Variants in TRIM8 observed in about 807,000 individuals in gnomAD.
TRIM8 encodes tripartite motif containing 8.
A neutral mutation model predicts 55.7 loss-of-function variants in TRIM8; 9 were observed. The ratio of observed to expected loss-of-function variants is 0.16; its 90% CI spans 0.10 to 0.28. The LOEUF is 0.28. TRIM8 is among the 10% of genes least tolerant of loss of function. The pLI is 1.00. For synonymous variants in TRIM8, 335 were observed against 333.3 expected (o/e 1.01, Z -0.06); for missense variants, 556 against 736.4 (o/e 0.76, Z 2.83).
rs921786809 is a variant in TRIM8 at position 102,656,899 on chromosome 10, G to A, written c.1201G>A (p.Gly401Arg). 3.1e-6 allele frequency: 5 copies of A among 1,594,364 alleles called. No individual in the cohort carries two copies. The African/African-American group carries it at 5.4e-5, about 17-fold the overall frequency. Residue 401 changes from glycine to arginine, a missense_variant, in exon 6 of 6, where the codon GGG becomes AGG. Transcript: ENST00000643721. The surrounding 1 kb of genome is among the most constrained non-coding windows in gnomAD (Gnocchi z 4.6). ...GTCGGGCCCTGTGGGCGGCCAGTAC[G>A]GGGCGGCGGGCACAGCCAGCGGTGA... ...TSSGPVGGQY[G>R]AAGTASGEGQ... is the part of the protein sequence containing the mutation.
In TRIM8 at chr10:102,655,744, A is replaced by G. The variant is rs3862032; in HGVS notation, c.901-362A>G. The stretch of plus-strand genomic sequence containing the variant: ...GTCTTGCTGGGGATGATAATGTAAT[A>G]TATGATACAGGCACTGTATTCTCCG... On this transcript the variant is annotated intron_variant, in intron 3 of 5. Coordinates refer to ENST00000643721, the MANE Select transcript of TRIM8 (RefSeq NM_030912.3). 3.6e-3 allele frequency among the ~76,000 whole-genome samples: 542 copies of G among 152,374 alleles called. 15 individuals carry two copies. Among genetic ancestry groups the G allele is most frequent in the Admixed American group, 0.026 (394 of 15,304 alleles).
chr10:102,657,381 G>T lies in TRIM8; in HGVS notation c.*27G>T, dbSNP rs372264167. 2.6e-6 allele frequency: 4 copies of T among 1,529,898 alleles called. No homozygotes were observed. In the Admixed American group the frequency reaches 6.2e-5, roughly 24 times the overall value. The allele number at this position is 1,529,898 out of a possible 1,614,324, so 94.8% of individuals were successfully genotyped here. A position where few individuals can be genotyped will look rare whatever the true frequency, so the allele number is the denominator to read the frequency against. ...GCCACGCAGGCGGCGGGGCGCTGGG[G>T]AATCTTCCTCCCCAGCCCCCGGGCT... On this transcript the variant is annotated 3_prime_UTR_variant, in exon 6 of 6. Transcript: ENST00000643721.
Position 102,655,085 on chromosome 10 carries a change from A to G in TRIM8, c.672A>G (p.Lys224=). Residue 224 remains lysine (K), a synonymous_variant, in exon 3 of 6, where the codon AAA becomes AAG. Transcript: ENST00000643721. ...CCTGCCCTCTGTACTCGCAGGAGAAAGTGAACCAACTGAAGGAGGAAGTTC... is the reference window on the plus strand; with the variant it reads ...CCTGCCCTCTGTACTCGCAGGAGAAGGTGAACCAACTGAAGGAGGAAGTTC... ...LESDKRLVEE[K]VNQLKEEVRL... is the part of the protein sequence containing the mutation. 1 of 1,612,802 alleles carries G rather than the reference A, an allele frequency of 6.2e-7. No individual in the cohort carries two copies.
At chr10:102,645,209 G>GCGCA in intron 1 of TRIM8, 22 bp downstream of exon 1, 1 of 1,515,920 alleles carries the variant, frequency 6.6e-7, no homozygotes, top group South Asian at 1.3e-5. Context: ...ACGCGCGCGC[G>GCGCA]CGCACACACA....
chr10:102,648,887 C>G lies in TRIM8; in HGVS notation c.570+3700C>G, dbSNP rs576785760. On this transcript the variant is annotated intron_variant, in intron 1 of 5. Transcript: ENST00000643721. ...GGCCCTGGCTTGGCTTTCTCCGTTG[C>G]CCGTGAAAGGGAGCCTCAGGCAGAG... Among the ~76,000 whole-genome samples, 3 of 152,306 alleles carry G rather than the reference C, an allele frequency of 2.0e-5. No homozygotes were observed. In the East Asian group the frequency reaches 5.8e-4, roughly 29 times the overall value.
chr10:102,651,756 T>A (rs2063986644), intron 1 of TRIM8, among the ~76,000 whole-genome samples: 1 of 152,202 alleles, frequency 6.6e-6, no homozygotes, highest in Non-Finnish European at 1.5e-5. Flanking sequence ...GGGCCAATTG[T>A]TCCAGGGGAG....
In TRIM8 at chr10:102,656,022, G is replaced by T. The variant is rs928544185; in HGVS notation, c.901-84G>T. 2 of 1,603,014 alleles carry T rather than the reference G, an allele frequency of 1.2e-6. No homozygotes were observed. The highest frequency in any genetic ancestry group is 8.5e-7 in the Non-Finnish European group (1 of 1,170,348). ...CCACCCAGCCTGGGGGAGGCTCAGG[G>T]GGGGCAGCTTTTGTCTTCCCCTCTC... On this transcript the variant is annotated intron_variant, in intron 3 of 5. Transcript: ENST00000643721. The surrounding 1 kb of genome is among the most constrained non-coding windows in gnomAD (Gnocchi z 4.6).
Position 102,645,182 on chromosome 10 carries a change from A to T in TRIM8, c.565A>T (p.Ile189Phe). Residue 189 changes from isoleucine (I) to phenylalanine (F), a missense_variant, in exon 1 of 6, where the codon ATC becomes TTC. Physicochemically the swap from Ile to Phe is conservative, Grantham distance 21. Transcript: ENST00000643721. ...VCDVEIRRNE[I>F]RKMLMKQQDR... is the part of the protein sequence containing the mutation. The stretch of plus-strand genomic sequence containing the variant: ...CGACGTGGAGATCCGAAGGAATGAA[A>T]TCCGGGCAAGTACCCTACGCGCGCG... The T allele has an allele frequency of 1.3e-6, 2 of 1,546,470 alleles. No individual in the cohort carries two copies. The highest frequency in any genetic ancestry group is 8.7e-7 in the Non-Finnish European group (1 of 1,152,628).
intron 1 of TRIM8, among the ~76,000 whole-genome samples, chr10:102,647,275 C>T (rs530846176): frequency 3.3e-5 from 5 of 152,298 alleles, no homozygotes; most frequent in Admixed American, 2.0e-4. Flanking sequence ...CGCGTGCTTT[C>T]TTGTGCCTGG....
rs1173966189 is a variant in TRIM8 at position 102,657,258 on chromosome 10, G to A, written c.1560G>A (p.Ala520=). 1.9e-6 allele frequency: 3 copies of A among 1,614,034 alleles called. No individual in the cohort carries two copies. The highest frequency in any genetic ancestry group is 3.3e-5 in the Admixed American group (2 of 59,998). ...PSVPQSLPSL[A]VRDWLDASQQ... is the part of the protein sequence containing the mutation. ...TCCCCCAGTCCCTTCCCAGCCTGGC[G>A]GTCAGAGACTGGCTTGACGCCTCCC... The change falls in exon 6 of 6, where the codon GCG becomes GCA. Residue 520 remains alanine, a synonymous_variant. Coordinates refer to ENST00000643721, the MANE Select transcript of TRIM8 (RefSeq NM_030912.3).
At chr10:102,648,419 T>C (rs961051640) in intron 1 of TRIM8, among the ~76,000 whole-genome samples, 2 of 152,182 alleles carry the variant, frequency 1.3e-5, no homozygotes, top group Non-Finnish European at 2.9e-5. Flanking sequence ...GCATCGTCCC[T>C]GGTGTCCCAG....
chr10:102,652,236 T>C (rs115834729), intron 1 of TRIM8, among the ~76,000 whole-genome samples: 1,598 of 152,282 alleles, frequency 0.01, 27 homozygotes, highest in African/African-American at 0.037. Flanking sequence ...CACAGTAGCC[T>C]CCAACACAAA....
intron 1 of TRIM8, 141 bp from the exon 2 acceptor site, chr10:102,654,512 G>T: frequency 1.4e-6 from 1 of 708,322 alleles, no homozygotes; most frequent in Non-Finnish European, 2.6e-6. Context: ...TGGGATTGGA[G>T]GGGGCCAAAG....
intron 1 of TRIM8, among the ~76,000 whole-genome samples, chr10:102,647,304 T>C (rs1207470166): frequency 2.0e-5 from 3 of 152,146 alleles, no homozygotes; most frequent in African/African-American, 7.2e-5. Flanking sequence ...GGCTCAGAAG[T>C]AGTGGGTTGC....
In TRIM8 at chr10:102,656,539, C is replaced by G; in HGVS notation, c.1048+154C>G. 1 of 1,330,594 alleles carries G rather than the reference C, an allele frequency of 7.5e-7. No homozygotes were observed. The allele number at this position is 1,330,594 out of a possible 1,614,324, so 82.4% of individuals were successfully genotyped here. A position where few individuals can be genotyped will look rare whatever the true frequency, so the allele number is the denominator to read the frequency against. On this transcript the variant is annotated intron_variant, in intron 5 of 5. Coordinates refer to ENST00000643721, the MANE Select transcript of TRIM8 (RefSeq NM_030912.3). This position sits in a 1 kb window ranked among gnomAD's most constrained non-coding sequence, Gnocchi z 4.6. The stretch of plus-strand genomic sequence containing the variant: ...TTGTAGCTGTGGGACAGTGGGTAAG[C>G]AACATGACCTCCCCAGCCTCCATTT...
At position 102,645,250 on chromosome 10, in the gene TRIM8, C is replaced by T; in HGVS notation, c.570+63C>T. The stretch of plus-strand genomic sequence containing the variant: ...ACAGACACACAGTCCCTTCCTCTCT[C>T]CCGCCCCGGGACCACCCATCCCGAC... On this transcript the variant is annotated intron_variant, in intron 1 of 5. Coordinates refer to ENST00000643721, the MANE Select transcript of TRIM8 (RefSeq NM_030912.3). 33 of 1,423,860 alleles carry T rather than the reference C, an allele frequency of 2.3e-5. No homozygotes were observed. The South Asian group carries it at 3.7e-4, about 16-fold the overall frequency. 88.2% of individuals were successfully genotyped at this position (1,423,860 alleles called of 1,614,324 possible).
At position 102,656,312 on chromosome 10, in the gene TRIM8, C is replaced by T. The variant is rs773131004; in HGVS notation, c.975C>T (p.Ile325=). ...GCAGCAGCCTTTCCCCCACTAAGATCGGCCACCTGAACTCCAAGCTCTTCC... is the reference window on the plus strand; with the variant it reads ...GCAGCAGCCTTTCCCCCACTAAGATTGGCCACCTGAACTCCAAGCTCTTCC... ...CTSSSLSPTK[I]GHLNSKLFLN... is the part of the protein sequence containing the mutation. The change falls in exon 5 of 6, where the codon ATC becomes ATT. Residue 325 remains isoleucine, a synonymous_variant. Coordinates refer to ENST00000643721, the MANE Select transcript of TRIM8 (RefSeq NM_030912.3). This position sits in a 1 kb window ranked among gnomAD's most constrained non-coding sequence, Gnocchi z 4.6. 6.2e-6 allele frequency: 10 copies of T among 1,614,048 alleles called. No homozygotes were observed. Among genetic ancestry groups the T allele is most frequent in the African/African-American group, 5.3e-5 (4 of 74,920 alleles).
rs561431223 is a variant in TRIM8, at chr10:102,657,025, C to A, written c.1327C>A (p.Pro443Thr). ...QPVHSSPVFP[P>T]SQYPNGSAAQ... ...AGTGCACTCAAGCCCCGTGTTCCCC[C>A]CATCGCAGTATCCCAATGGCTCCGC... Residue 443 changes from proline to threonine, a missense_variant, in exon 6 of 6, where the codon CCA becomes ACA. Physicochemically the swap from Pro to Thr is conservative, Grantham distance 38. This residue lies in a region of TRIM8 where 391 missense variants were observed against 441.0 expected (regional missense o/e 0.89). Transcript: ENST00000643721. 188 of 1,612,964 alleles carry A rather than the reference C, an allele frequency of 1.2e-4. No individual in the cohort carries two copies. Among genetic ancestry groups the A allele is most frequent in the Non-Finnish European group, 1.6e-4 (186 of 1,179,936 alleles).
At chr10:102,654,880 G>T in intron 2 of TRIM8, 132 bp downstream of exon 2, 1 of 906,838 alleles carries the variant, frequency 1.1e-6, no homozygotes, top group African/African-American at 1.6e-5. Context: ...TCAACTGCCC[G>T]TGGATGCCCA....
Sources: gnomAD v4.1 joint callset for allele counts (sites outside exome capture counted in the v4.1 genomes callset) on GRCh38, gnomAD v4.1.1 for gene constraint, gnomAD v4.1.1 regional missense constraint, Gnocchi (gnomAD v3.1) non-coding constraint, MANE v1.5 for transcripts, NCBI Gene and HGNC (gene_info 2026-07-23, HGNC 2026-07-21) for gene names.